The following GAPVD1 variants were observed in gnomAD, a reference collection of about 807,000 sequenced individuals.
GAPVD1 encodes GTPase activating protein and VPS9 domains 1, also known as GTPase-activating protein and VPS9 domain-containing protein 1.
In GAPVD1, 35 loss-of-function variants were observed where a neutral mutation model predicts 155.5. The observed-to-expected ratio is 0.23, with a 90% CI of 0.17 to 0.30. The LOEUF is 0.30. Among genes scored for constraint, GAPVD1 ranks in the 10% least tolerant of loss-of-function variants. The pLI, the probability that GAPVD1 is intolerant of heterozygous loss-of-function variation, is 1.00. For synonymous variants in GAPVD1, 636 were observed against 619.7 expected (o/e 1.03, Z -0.39); for missense variants, 1,429 against 1,775.7 (o/e 0.80, Z 3.51).
At chr9:125,353,244 G>C (rs547914620) in intron 23 of GAPVD1, among the ~76,000 whole-genome samples, 1 of 152,240 alleles carries the variant, frequency 6.6e-6, no homozygotes, top group East Asian at 1.9e-4. Context: ...CTAGGGCAAG[G>C]GCAAAATGCC....
At chr9:125,314,416 G>A (rs903459205) in intron 9 of GAPVD1, among the ~76,000 whole-genome samples, 5 of 152,158 alleles carry the variant, frequency 3.3e-5, no homozygotes, top group Non-Finnish European at 7.3e-5. Flanking sequence ...AGCACTTTGG[G>A]AGGCCGAGGT....
intron 8 of GAPVD1, among the ~76,000 whole-genome samples, chr9:125,310,167 T>C (rs79574286): frequency 1.3e-5 from 2 of 152,360 alleles, no homozygotes; most frequent in African/African-American, 4.8e-5. Flanking sequence ...GAGTTTGTTA[T>C]GATTCATAGA....
chr9:125,330,264 TAATTAAATGC>T, intron 13 of GAPVD1, 46 bp downstream of exon 13: 1 of 1,374,378 alleles, frequency 7.3e-7, no homozygotes, highest in Non-Finnish European at 1.0e-6. Flanking sequence ...ACAGAAGTTT[TAATTAAATGC>T]AAGGTATCCC....
intron 2 of GAPVD1, among the ~76,000 whole-genome samples, chr9:125,280,700 C>T (rs748500231): frequency 1.3e-5 from 2 of 151,628 alleles, no homozygotes; most frequent in African/African-American, 2.4e-5. Context: ...CTCAGCCTCT[C>T]GAGTGACTGG....
intron 2 of GAPVD1, among the ~76,000 whole-genome samples, chr9:125,280,396 C>CAAAAAAAAAAAAAA (rs750354567): frequency 1.7e-5 from 1 of 57,332 alleles, no homozygotes; most frequent in Non-Finnish European, 3.1e-5. Context: ...AAGTCCATCT[C>CAAAAAAAAAAAAAA]AAAAAAAAAA....
chr9:125,293,483 C>A (rs1838929033), intron 2 of GAPVD1, among the ~76,000 whole-genome samples: 1 of 144,702 alleles, frequency 6.9e-6, no homozygotes. Context: ...TAGAGTTTTG[C>A]TTGTTGGCCA....
chr9:125,268,038 C>T (rs1197351945), intron 1 of GAPVD1, among the ~76,000 whole-genome samples: 1 of 151,982 alleles, frequency 6.6e-6, no homozygotes, highest in Non-Finnish European at 1.5e-5. Context: ...GTGGCTCGCG[C>T]CTGTAATCCC....
chr9:125,265,686 C>CTG (rs1833806850), intron 1 of GAPVD1, among the ~76,000 whole-genome samples: 1 of 1,032 alleles, frequency 9.7e-4, no homozygotes, highest in African/African-American at 4.6e-3. Flanking sequence ...GCTGGGATTA[C>CTG]AAGTGTGAGC....
intron 17 of GAPVD1, 85 bp downstream of exon 17, chr9:125,337,676 C>T: frequency 8.0e-7 from 1 of 1,254,032 alleles, no homozygotes; most frequent in Non-Finnish European, 1.1e-6. Flanking sequence ...ATATATAAAT[C>T]TAGGATTACA....
intron 9 of GAPVD1, among the ~76,000 whole-genome samples, chr9:125,317,498 G>A (rs942803310): frequency 2.0e-5 from 3 of 151,346 alleles, no homozygotes; most frequent in African/African-American, 7.3e-5. Context: ...GGTGGCACAT[G>A]CCTGTAATCC....
chr9:125,313,151 A>G (rs1842891781), intron 9 of GAPVD1, among the ~76,000 whole-genome samples: 1 of 151,732 alleles, frequency 6.6e-6, no homozygotes, highest in Non-Finnish European at 1.5e-5. Context: ...CACTTATTCC[A>G]TTTGTGAGGG....
intron 2 of GAPVD1, among the ~76,000 whole-genome samples, chr9:125,271,075 A>G (rs1005798824): frequency 3.3e-5 from 5 of 152,240 alleles, no homozygotes; most frequent in Non-Finnish European, 5.9e-5. Flanking sequence ...AAAGAAAAGT[A>G]TAAAAGTATA....
intron 2 of GAPVD1, among the ~76,000 whole-genome samples, chr9:125,284,512 A>G (rs10986684): frequency 0.062 from 9,397 of 150,858 alleles, 582 homozygotes; most frequent in Admixed American, 0.15. Context: ...GGGTCTCGTT[A>G]TGTTGCCCAG....
At chr9:125,279,992 C>T (rs906080576) in intron 2 of GAPVD1, among the ~76,000 whole-genome samples, 2 of 151,506 alleles carry the variant, frequency 1.3e-5, no homozygotes, top group South Asian at 2.1e-4. Flanking sequence ...GAACTCCCGA[C>T]GTCAGGTGAT....
chr9:125,292,391 C>T (rs1838752116), intron 2 of GAPVD1, among the ~76,000 whole-genome samples: 1 of 151,512 alleles, frequency 6.6e-6, no homozygotes, highest in South Asian at 2.1e-4. Context: ...ACTTGGTGGT[C>T]CAGGGTAGAT....
At chr9:125,310,426 C>T (rs1470301929) in intron 8 of GAPVD1, among the ~76,000 whole-genome samples, 1 of 151,564 alleles carries the variant, frequency 6.6e-6, no homozygotes, top group Non-Finnish European at 1.5e-5. Context: ...GTTGTTTTTG[C>T]TTTATGTCTG....
chr9:125,348,168 A>G (rs1564451203), intron 20 of GAPVD1, among the ~76,000 whole-genome samples: 3 of 151,990 alleles, frequency 2.0e-5, no homozygotes, highest in Admixed American at 6.6e-5. Context: ...TGATCCTCCC[A>G]TCTCAGCTTC....
intron 3 of GAPVD1, among the ~76,000 whole-genome samples, chr9:125,297,789 A>G (rs1045766579): frequency 5.9e-5 from 9 of 152,176 alleles, no homozygotes; most frequent in African/African-American, 2.2e-4. Flanking sequence ...TCTATTGCCC[A>G]GGCTGGAGTG....
At chr9:125,306,233 G>A (rs891252108) in intron 6 of GAPVD1, among the ~76,000 whole-genome samples, 3 of 151,650 alleles carry the variant, frequency 2.0e-5, no homozygotes, top group African/African-American at 7.3e-5. Flanking sequence ...GCGTGATCTC[G>A]GCTCACTGTT....
Sources: gnomAD v4.1 joint callset for allele counts (sites outside exome capture counted in the v4.1 genomes callset) on GRCh38, gnomAD v4.1.1 for gene constraint, MANE v1.5 for transcripts, NCBI Gene and HGNC (gene_info 2026-07-23, HGNC 2026-07-21) for gene names.